Variants in SCARB2 observed in about 807,000 individuals in gnomAD.
The protein encoded by SCARB2 is scavenger receptor class B member 2, also known as lysosome membrane protein 2.
A neutral mutation model predicts 58.6 loss-of-function variants in SCARB2; 29 were observed. That is an observed-to-expected ratio of 0.49 (90% CI 0.37 to 0.67). The LOEUF (loss-of-function observed/expected upper bound fraction) is 0.67. Ranked by LOEUF, SCARB2 falls within the 30% of genes least tolerant of loss-of-function variation. SCARB2 has a pLI of 0.00. For missense variants in SCARB2, 488 were observed against 578.5 expected (o/e 0.84, Z 1.60); for synonymous variants, 195 against 210.1 (o/e 0.93, Z 0.62).
At chr4:76,169,746 C>T (rs1732090815) in intron 8 of SCARB2, 121 bp downstream of exon 8, 3 of 854,280 alleles carry the variant, frequency 3.5e-6, no homozygotes, top group Admixed American at 3.5e-5. Flanking sequence ...TGAATTTCTC[C>T]CACTTGAATA....
chr4:76,214,614 G>A (rs1430381949), upstream of SCARB2, among the ~76,000 whole-genome samples: 8 of 152,178 alleles, frequency 5.3e-5, no homozygotes, highest in South Asian at 1.0e-3. Flanking sequence ...AGCAGGCATC[G>A]CTGGTGTTCT....
upstream of SCARB2, chr4:76,217,531 C>T (rs1342626693): frequency 2.3e-6 from 1 of 431,844 alleles, no homozygotes; most frequent in Non-Finnish European, 4.1e-6. Context: ...CTAGCTTCCT[C>T]TCTGCCCATG....
rs563130798 is a variant in SCARB2 at position 76,200,095 on chromosome 4, G to A, written c.118-4231C>T. On this transcript the variant is annotated intron_variant, in intron 1 of 11. Coordinates refer to ENST00000264896, the MANE Select transcript of SCARB2 (RefSeq NM_005506.4). ...AGTTATTCATTCCGCCAGATACAACGAGCTAGTGTCCCCCTCAAAGGCGCC... is the reference window on the plus strand; with the variant it reads ...AGTTATTCATTCCGCCAGATACAACAAGCTAGTGTCCCCCTCAAAGGCGCC... Among the ~76,000 whole-genome samples the A allele has an allele frequency of 2.2e-3, 329 of 152,284 alleles. 1 individual carries two copies. The Middle Eastern group carries it at 0.031, about 14-fold the overall frequency.
chr4:76,175,736 GTC>G, intron 6 of SCARB2, 53 bp downstream of exon 6: 1 of 1,603,802 alleles, frequency 6.2e-7, no homozygotes, highest in South Asian at 1.1e-5. Flanking sequence ...GCTTTTGGTG[GTC>G]TTGCAGTGAA....
At chr4:76,233,962 T>A (rs1733537509) in intron 1 of SCARB2, among the ~76,000 whole-genome samples, 1 of 152,190 alleles carries the variant, frequency 6.6e-6, no homozygotes, top group Non-Finnish European at 1.5e-5. Context: ...GTTTAAAAAA[T>A]GCCTGGGGAA....
chr4:76,177,993 G>T (rs1425880074), intron 4 of SCARB2, among the ~76,000 whole-genome samples: 1 of 152,140 alleles, frequency 6.6e-6, no homozygotes, highest in Non-Finnish European at 1.5e-5. Flanking sequence ...AAGGACTACT[G>T]AATTGTACAT....
intron 6 of SCARB2, 56 bp from the exon 7 acceptor site, chr4:76,174,369 C>A: frequency 1.3e-6 from 2 of 1,541,784 alleles, no homozygotes; most frequent in Non-Finnish European, 9.0e-7. Flanking sequence ...GTAATCTGCC[C>A]GAAATCCGCA....
chr4:76,200,998 C>T (rs1379382790), intron 1 of SCARB2, among the ~76,000 whole-genome samples: 1 of 152,176 alleles, frequency 6.6e-6, no homozygotes, highest in Non-Finnish European at 1.5e-5. Flanking sequence ...ACAGATACTC[C>T]ACCCCTGCTC....
At chr4:76,163,680 C>T in intron 10 of SCARB2, 2 of 427,344 alleles carry the variant, frequency 4.7e-6, no homozygotes, top group Non-Finnish European at 8.6e-6. Context: ...AATTCCAATT[C>T]ATCCTTAAAA....
rs993088020 is a variant in SCARB2 at position 76,213,620 on chromosome 4, A to G, written c.-77T>C. On this transcript the variant is annotated 5_prime_UTR_variant, in exon 1 of 12. Coordinates refer to ENST00000264896, the MANE Select transcript of SCARB2 (RefSeq NM_005506.4). ...TGCAAGGAGGGAGGAGCCGCCGCAG[A>G]GGCGTCGAAGACCCGGGACCCTTCG... is the stretch of plus-strand genomic sequence containing the variant. 1 of 1,201,920 alleles carries G rather than the reference A, an allele frequency of 8.3e-7. No individual in the cohort carries two copies. Among genetic ancestry groups the G allele is most frequent in the Non-Finnish European group, 1.2e-6 (1 of 820,496 alleles). 74.5% of individuals were successfully genotyped at this position (1,201,920 alleles called of 1,614,324 possible). A position where few individuals can be genotyped will look rare whatever the true frequency, so the allele number is the denominator to read the frequency against.
chr4:76,176,000 G>C (rs995357159), intron 5 of SCARB2, 90 bp from the exon 6 acceptor site: 21 of 1,458,488 alleles, frequency 1.4e-5, no homozygotes, highest in Admixed American at 3.4e-5. Flanking sequence ...GATTTAACTG[G>C]AGCTGTCTAT....
intron 7 of SCARB2, among the ~76,000 whole-genome samples, chr4:76,171,234 A>T (rs1391626951): frequency 6.6e-6 from 1 of 152,044 alleles, no homozygotes; most frequent in African/African-American, 2.4e-5. Context: ...ACCTATAATG[A>T]CCTTGAAAAT....
intron 8 of SCARB2, among the ~76,000 whole-genome samples, chr4:76,169,350 G>A (rs1470785207): frequency 8.0e-6 from 1 of 124,684 alleles, no homozygotes; most frequent in African/African-American, 3.6e-5. Flanking sequence ...ACGTGTGTAT[G>A]TCTCCTCTAT....
At chr4:76,166,675 G>A (rs543459284) in intron 9 of SCARB2, 36 of 341,358 alleles carry the variant, frequency 1.1e-4, no homozygotes, top group African/African-American at 6.5e-4. Context: ...CATGTACCAC[G>A]TGCCAGCTCT....
upstream of SCARB2, among the ~76,000 whole-genome samples, chr4:76,216,281 T>C (rs1733206065): frequency 6.6e-6 from 1 of 152,186 alleles, no homozygotes; most frequent in South Asian, 2.1e-4. Context: ...GTTGAAGTCC[T>C]CCTGTCATCT....
At chr4:76,215,110 G>A (rs1350110814), upstream of SCARB2, among the ~76,000 whole-genome samples, 4 of 152,242 alleles carry the variant, frequency 2.6e-5, no homozygotes, top group Non-Finnish European at 5.9e-5. Flanking sequence ...GCCTTAGGAA[G>A]CTGGCCTTTG....
chr4:76,162,169 C>CT (rs1731913367), intron 11 of SCARB2: 1 of 204,852 alleles, frequency 4.9e-6, no homozygotes, highest in Non-Finnish European at 1.0e-5. Flanking sequence ...TTCATTTGTG[C>CT]TTAAGACAAT....
chr4:76,169,909 G>A lies in SCARB2; in HGVS notation c.1071C>T (p.His357=). The A allele has an allele frequency of 6.2e-7, 1 of 1,614,060 alleles. No homozygotes were observed. Among genetic ancestry groups the A allele is most frequent in the Middle Eastern group, 1.7e-4 (1 of 6,060 alleles). The part of the protein sequence containing the change: ...ERFVSAIEGM[H]PNQEDHETFV... ...ATGTCTCATGGTCTTCCTGATTTGG[G>A]TGCATGCCTTCTATGGCAGAAACAA... The change falls in exon 8 of 12, where the codon CAC becomes CAT. Residue 357 remains histidine (H), a synonymous_variant. Transcript: ENST00000264896.
chr4:76,217,672 T>C, upstream of SCARB2: 3 of 648,326 alleles, frequency 4.6e-6, no homozygotes, highest in Non-Finnish European at 8.4e-6. Flanking sequence ...AAACCTCTTT[T>C]CACTACCCAA....
Sources: allele counts gnomAD v4.1 joint callset (sites outside exome capture counted in the v4.1 genomes callset), GRCh38; gene constraint gnomAD v4.1.1; transcripts MANE v1.5; gene names NCBI Gene and HGNC (gene_info 2026-07-23, HGNC 2026-07-21).